ZNF609: variants seen among roughly 807,000 people sequenced by gnomAD.
ZNF609 encodes the protein zinc finger protein 609.
A neutral mutation model predicts 109.5 loss-of-function variants in ZNF609; 11 were observed. That is an observed-to-expected ratio of 0.10 (90% CI 0.06 to 0.17). The LOEUF (loss-of-function observed/expected upper bound fraction) is 0.17, where lower values mean the gene tolerates loss of function less well. Ranked by LOEUF, ZNF609 falls within the 10% of genes least tolerant of loss-of-function variation. ZNF609 has a pLI of 1.00. For missense variants in ZNF609, 1,559 were observed against 1,772.4 expected (o/e 0.88, Z 2.16); for synonymous variants, 646 against 662.0 (o/e 0.98, Z 0.37).
At chr15:64,498,879 G>A (rs1270886085) in intron 1 of ZNF609, among the ~76,000 whole-genome samples, 1 of 152,168 alleles carries the variant, frequency 6.6e-6, no homozygotes, top group Non-Finnish European at 1.5e-5. Context: ...CTGCGTCTCT[G>A]ATAATGTAAG....
intron 3 of ZNF609, chr15:64,631,341 A>G: frequency 4.2e-6 from 3 of 713,900 alleles, no homozygotes; most frequent in Non-Finnish European, 7.8e-6. Context: ...TTCTCTTGGC[A>G]AGAATCTTGC....
chr15:64,483,188 C>T (rs1157998689), intron 1 of ZNF609, among the ~76,000 whole-genome samples: 3 of 151,510 alleles, frequency 2.0e-5, no homozygotes, highest in African/African-American at 7.3e-5. Flanking sequence ...CTCCACCTTC[C>T]GGGTTCAAGT....
At chr15:64,667,245 G>A (rs1287966293) in intron 3 of ZNF609, among the ~76,000 whole-genome samples, 1 of 152,226 alleles carries the variant, frequency 6.6e-6, no homozygotes, top group East Asian at 1.9e-4. Context: ...TCCATGTCCA[G>A]TGATTTTTAG....
At position 64,676,348 on chromosome 15, in the gene ZNF609, G is replaced by A. The variant is rs78953966; in HGVS notation, c.3402+92G>A. Reference sequence around the variant, plus strand: ...GGCTGTCCTTATACAGGGGTTCAACGGAATTGAGATTAGCAGGAGAGATGT... The same window carrying A: ...GGCTGTCCTTATACAGGGGTTCAACAGAATTGAGATTAGCAGGAGAGATGT... On this transcript the variant is annotated intron_variant, in intron 5 of 9. Coordinates refer to ENST00000326648, the MANE Select transcript of ZNF609 (RefSeq NM_015042.2). The A allele has an allele frequency of 1.6e-4, 190 of 1,199,992 alleles. 2 individuals are homozygous for A. In the East Asian group the frequency reaches 3.6e-3, roughly 23 times the overall value. The allele number at this position is 1,199,992 out of a possible 1,614,324, so 74.3% of individuals were successfully genotyped here.
intron 2 of ZNF609, among the ~76,000 whole-genome samples, chr15:64,555,910 A>G (rs1894577158): frequency 6.7e-6 from 1 of 149,712 alleles, no homozygotes; most frequent in African/African-American, 2.5e-5. Flanking sequence ...AAAAAAAAAA[A>G]AGAAAACCTG....
At chr15:64,613,363 T>C (rs1162976113) in intron 2 of ZNF609, among the ~76,000 whole-genome samples, 3 of 152,216 alleles carry the variant, frequency 2.0e-5, no homozygotes, top group East Asian at 1.9e-4. Context: ...CCTCCACTTA[T>C]AGTTAAATGT....
At chr15:64,586,624 T>C (rs982253862) in intron 2 of ZNF609, among the ~76,000 whole-genome samples, 10 of 152,148 alleles carry the variant, frequency 6.6e-5, no homozygotes, top group African/African-American at 2.4e-4. Context: ...GGAACAGTTA[T>C]AGCCCTGAAC....
chr15:64,617,522 G>A (rs1463914143), intron 2 of ZNF609, among the ~76,000 whole-genome samples: 2 of 151,878 alleles, frequency 1.3e-5, no homozygotes, highest in East Asian at 3.9e-4. Context: ...AGGCATGTCT[G>A]TAATCCCAGC....
rs565496052 is a variant in ZNF609 at position 64,499,465 on chromosome 15, A to G, written c.46A>G (p.Asn16Asp). The change falls in exon 2 of 10, where the codon AAC becomes GAC. Residue 16 changes from asparagine to aspartate, a missense_variant. By Grantham distance (23) the Asn-to-Asp change is conservative. Coordinates refer to ENST00000326648, the MANE Select transcript of ZNF609 (RefSeq NM_015042.2). ...GASGGKGVDA[N>D]PVETYDSGDE... ...CTCCGGAGGGAAAGGAGTGGATGCAAACCCGGTTGAGACATACGACAGTGG... is the reference window on the plus strand; with the variant it reads ...CTCCGGAGGGAAAGGAGTGGATGCAGACCCGGTTGAGACATACGACAGTGG... 6.2e-7 allele frequency: 1 copy of G among 1,614,106 alleles called. No homozygotes were observed. Among genetic ancestry groups the G allele is most frequent in the Non-Finnish European group, 8.5e-7 (1 of 1,180,022 alleles).
chr15:64,637,447 T>G (rs965793993), intron 3 of ZNF609, among the ~76,000 whole-genome samples: 1 of 152,230 alleles, frequency 6.6e-6, no homozygotes, highest in Admixed American at 6.5e-5. Flanking sequence ...TATGATCAAC[T>G]TGAATAGACA....
intron 2 of ZNF609, among the ~76,000 whole-genome samples, chr15:64,580,427 C>G (rs531920885): frequency 6.6e-6 from 1 of 152,216 alleles, no homozygotes; most frequent in South Asian, 2.1e-4. Context: ...TACTAACATT[C>G]TTTCTTTGTG....
intron 3 of ZNF609, among the ~76,000 whole-genome samples, chr15:64,661,102 C>T (rs1241851497): frequency 6.6e-6 from 1 of 152,130 alleles, no homozygotes; most frequent in East Asian, 1.9e-4. Flanking sequence ...GCTGGGACTA[C>T]AGGCGTGTGC....
chr15:64,662,370 G>C (rs1022659724), intron 3 of ZNF609, among the ~76,000 whole-genome samples: 5 of 152,052 alleles, frequency 3.3e-5, no homozygotes, highest in Admixed American at 3.3e-4. Flanking sequence ...CTGTGAATTA[G>C]GCTGGAGTGC....
intron 2 of ZNF609, among the ~76,000 whole-genome samples, chr15:64,619,081 G>A (rs889596710): frequency 9.2e-5 from 14 of 152,132 alleles, no homozygotes; most frequent in Non-Finnish European, 2.1e-4. Flanking sequence ...CAGCACACCC[G>A]TGTCACTCCT....
At chr15:64,652,077 T>G (rs1431237493) in intron 3 of ZNF609, among the ~76,000 whole-genome samples, 1 of 152,248 alleles carries the variant, frequency 6.6e-6, no homozygotes, top group Non-Finnish European at 1.5e-5. Context: ...TCTCTCTCTG[T>G]CACCCAAGCT....
At chr15:64,595,273 A>G (rs988872981) in intron 2 of ZNF609, among the ~76,000 whole-genome samples, 7 of 151,532 alleles carry the variant, frequency 4.6e-5, no homozygotes, top group Non-Finnish European at 5.9e-5. Context: ...AGGCAGGAGA[A>G]TCACTTGAAC....
chr15:64,668,840 C>G (rs1466270081), intron 3 of ZNF609, among the ~76,000 whole-genome samples: 1 of 149,914 alleles, frequency 6.7e-6, no homozygotes, highest in African/African-American at 2.5e-5. Context: ...ATAATCCTAG[C>G]TACTTGGGAG....
intron 1 of ZNF609, among the ~76,000 whole-genome samples, chr15:64,484,747 G>A (rs1038309693): frequency 2.0e-5 from 3 of 148,844 alleles, no homozygotes; most frequent in Admixed American, 1.4e-4. Context: ...AGGCCGAGGC[G>A]GGCGGATCAT....
At chr15:64,624,821 G>A (rs1252749666) in intron 3 of ZNF609, among the ~76,000 whole-genome samples, 3 of 147,062 alleles carry the variant, frequency 2.0e-5, no homozygotes, top group African/African-American at 5.0e-5. Flanking sequence ...GTACAGTGGT[G>A]CGATCTTGGC....
Sources: allele counts gnomAD v4.1 joint callset (sites outside exome capture counted in the v4.1 genomes callset), GRCh38; gene constraint gnomAD v4.1.1; transcripts MANE v1.5; gene names NCBI Gene and HGNC (gene_info 2026-07-23, HGNC 2026-07-21).